ZMPSTE24: variants seen among roughly 807,000 people sequenced by gnomAD.
The protein encoded by ZMPSTE24 is CAAX prenyl protease 1 homolog.
Under a neutral mutation model 56.7 loss-of-function variants are expected in ZMPSTE24, and 48 were observed. The ratio of observed to expected loss-of-function variants is 0.85; its 90% confidence interval spans 0.67 to 1.08. The LOEUF is 1.08. ZMPSTE24 is among the 50% of genes least tolerant of loss of function. The pLI, the probability that ZMPSTE24 is intolerant of heterozygous loss-of-function variation, is 0.00. For missense variants in ZMPSTE24, 503 were observed against 548.7 expected, an observed-to-expected ratio of 0.92 and a Z score of 0.83; for synonymous variants, 172 against 195.2, an observed-to-expected ratio of 0.88 and a Z score of 0.99.
chr1:40,265,538 C>T (rs1643540303), intron 2 of ZMPSTE24, among the ~76,000 whole-genome samples: 1 of 151,988 alleles, frequency 6.6e-6, no homozygotes, highest in African/African-American at 2.4e-5. Context: ...CCCATCTGTA[C>T]AAAAAATTAA....
chr1:40,284,324 T>C (rs1438306800), intron 7 of ZMPSTE24, among the ~76,000 whole-genome samples: 1 of 152,100 alleles, frequency 6.6e-6, no homozygotes, highest in Non-Finnish European at 1.5e-5. Flanking sequence ...TTTTCTTAGG[T>C]GCAATGTCTT....
At chr1:40,264,552 T>C (rs563156722) in intron 2 of ZMPSTE24, among the ~76,000 whole-genome samples, 2 of 152,152 alleles carry the variant, frequency 1.3e-5, no homozygotes, top group African/African-American at 2.4e-5. Context: ...TAGAGATGAT[T>C]ATACCCTTTT....
Position 40,281,399 on chromosome 1 carries a change from C to T in ZMPSTE24, c.826C>T (p.Arg276Ter), listed in dbSNP as rs138606746. ...AYFYGFFKNK[R>*]IVLFDTLLEE... ...TTTTTATGGCTTCTTCAAGAACAAG[C>T]GAATAGTTTTGTTTGACACTCTACT... The change falls in exon 7 of 10, where the codon CGA (arginine) becomes TGA (stop). Residue 276 changes from arginine (R) to a stop codon, truncating the protein, a stop_gained. Transcript: ENST00000372759. LOFTEE classifies it high-confidence loss of function. 6 of 1,613,904 alleles carry T rather than the reference C, an allele frequency of 3.7e-6. No homozygotes were observed. Among genetic ancestry groups the T allele is most frequent in the African/African-American group, 1.3e-5 (1 of 74,874 alleles).
chr1:40,267,018 T>C (rs894508350), intron 2 of ZMPSTE24, among the ~76,000 whole-genome samples: 5 of 147,170 alleles, frequency 3.4e-5, no homozygotes, highest in African/African-American at 1.3e-4. Context: ...TCTGCCTGCC[T>C]TGGCCTCCCA....
At chr1:40,290,000 A>T (rs192032712) in intron 8 of ZMPSTE24, among the ~76,000 whole-genome samples, 1 of 152,358 alleles carries the variant, frequency 6.6e-6, no homozygotes. Flanking sequence ...CCTCAATGAT[A>T]GGAGCCTCAA....
intron 7 of ZMPSTE24, among the ~76,000 whole-genome samples, chr1:40,283,446 A>G (rs1233463383): frequency 6.6e-6 from 1 of 152,118 alleles, no homozygotes; most frequent in African/African-American, 2.4e-5. Context: ...TGGAGGTTAC[A>G]GTGAACTGAG....
intron 8 of ZMPSTE24, chr1:40,290,542 G>GCTCCGC: frequency 4.0e-6 from 1 of 249,704 alleles, no homozygotes; most frequent in South Asian, 3.6e-5. Context: ...CTCACTGCAA[G>GCTCCGC]CTCCGCCTCC....
Position 40,285,918 on chromosome 1 carries a change from T to A in ZMPSTE24, c.955-7T>A, listed in dbSNP as rs565583679. The stretch of plus-strand genomic sequence containing the variant: ...CAATAATTTATTTTTGATTTTTTTT[T>A]ATTCAGAATAAGAAACAAGGATGTA... On this transcript the variant is annotated splice_polypyrimidine_tract_variant and splice_region_variant and intron_variant, in intron 7 of 9. Coordinates refer to ENST00000372759, the MANE Select transcript of ZMPSTE24 (RefSeq NM_005857.5). 3.9e-5 allele frequency: 63 copies of A among 1,608,722 alleles called. No homozygotes were observed. Among genetic ancestry groups the A allele is most frequent in the South Asian group, 2.7e-4 (24 of 90,380 alleles).
chr1:40,278,557 C>CAAAAAAAAAAAAAAA (rs397979953), intron 6 of ZMPSTE24, among the ~76,000 whole-genome samples: 9 of 19,560 alleles, frequency 4.6e-4, no homozygotes, highest in Admixed American at 1.5e-3. Flanking sequence ...GACTCCGTCT[C>CAAAAAAAAAAAAAAA]AAAAAAAAAA....
chr1:40,267,481 C>G (rs1460440157), intron 2 of ZMPSTE24, among the ~76,000 whole-genome samples: 1 of 151,470 alleles, frequency 6.6e-6, no homozygotes, highest in Non-Finnish European at 1.5e-5. Flanking sequence ...CCTGTCACCT[C>G]AGTCCCCCAA....
intron 9 of ZMPSTE24, 143 bp from the exon 10 acceptor site, chr1:40,292,302 G>A (rs1031315838): frequency 1.3e-6 from 1 of 751,620 alleles, no homozygotes; most frequent in South Asian, 1.6e-5. Flanking sequence ...CTCACCCTAG[G>A]TCCCCTAAAT....
chr1:40,267,285 A>C (rs189231674), intron 2 of ZMPSTE24, among the ~76,000 whole-genome samples: 1 of 152,206 alleles, frequency 6.6e-6, no homozygotes, highest in Non-Finnish European at 1.5e-5. Flanking sequence ...TGCATAATTT[A>C]TGCTAAATGT....
chr1:40,261,148 C>T (rs1379399438), intron 2 of ZMPSTE24, among the ~76,000 whole-genome samples, 163 bp downstream of exon 2: 1 of 152,166 alleles, frequency 6.6e-6, no homozygotes, highest in Non-Finnish European at 1.5e-5. Flanking sequence ...AACATAACTG[C>T]TTAGTCAGTT....
At chr1:40,261,851 A>C (rs1303101164) in intron 2 of ZMPSTE24, among the ~76,000 whole-genome samples, 3 of 152,158 alleles carry the variant, frequency 2.0e-5, no homozygotes, top group African/African-American at 4.8e-5. Flanking sequence ...CTGGGACTAC[A>C]GGCGCGTGCC....
At chr1:40,282,985 T>C (rs1643745393) in intron 7 of ZMPSTE24, among the ~76,000 whole-genome samples, 1 of 152,160 alleles carries the variant, frequency 6.6e-6, no homozygotes, top group Admixed American at 6.5e-5. Context: ...TTGTACTCTC[T>C]ACCCAAATGT....
chr1:40,260,715 G>T, intron 1 of ZMPSTE24, 124 bp from the exon 2 acceptor site: 5 of 911,094 alleles, frequency 5.5e-6, no homozygotes, highest in Non-Finnish European at 6.8e-6. Context: ...TGCAATATTT[G>T]TGTAGGTATA....
At chr1:40,274,350 A>T (rs1012461816) in intron 6 of ZMPSTE24, among the ~76,000 whole-genome samples, 1 of 152,248 alleles carries the variant, frequency 6.6e-6, no homozygotes, top group African/African-American at 2.4e-5. Flanking sequence ...CATATTTGTA[A>T]ATTGGTAGGG....
intron 7 of ZMPSTE24, among the ~76,000 whole-genome samples, chr1:40,283,528 C>A (rs1234948846): frequency 1.3e-5 from 2 of 151,522 alleles, no homozygotes; most frequent in African/African-American, 4.8e-5. Flanking sequence ...AATTGCTGAT[C>A]CTTTTGTTAC....
chr1:40,267,789 A>T lies in ZMPSTE24; in HGVS notation c.274A>T (p.Ile92Phe), dbSNP rs746865347. 2 of 1,611,344 alleles carry T rather than the reference A, an allele frequency of 1.2e-6. No individual in the cohort carries two copies. The highest frequency in any genetic ancestry group is 1.1e-5 in the South Asian group (1 of 91,036). The change falls in exon 3 of 10, where the codon ATT becomes TTT. Residue 92 changes from isoleucine to phenylalanine, a missense_variant. By Grantham distance (21) the Ile-to-Phe change is conservative. Coordinates refer to ENST00000372759, the MANE Select transcript of ZMPSTE24 (RefSeq NM_005857.5). ...GLYSETEGTLILLFGGIPYLW... is the reference protein window; with the variant it reads ...GLYSETEGTLFLLFGGIPYLW... ...CAAAGTATGCTTTGTTTTATAGCTT[A>T]TTCTTCTCTTTGGAGGAATACCTTA...
Sources: gnomAD v4.1 joint callset for allele counts (sites outside exome capture counted in the v4.1 genomes callset) on GRCh38, gnomAD v4.1.1 for gene constraint, MANE v1.5 for transcripts, NCBI Gene and HGNC (gene_info 2026-07-23, HGNC 2026-07-21) for gene names.